COL25A1: variants seen among roughly 807,000 people sequenced by gnomAD.
COL25A1 encodes collagen alpha-1(XXV) chain.
In COL25A1, 103 loss-of-function variants were observed where a neutral mutation model predicts 128.4. The ratio of observed to expected loss-of-function variants is 0.80; its 90% confidence interval spans 0.68 to 0.94. COL25A1 has a LOEUF of 0.94. Ranked by LOEUF, COL25A1 falls within the 40% of genes least tolerant of loss-of-function variation. COL25A1 has a pLI of 0.00. For missense variants in COL25A1, 745 were observed against 840.0 expected (o/e 0.89, Z 1.40); for synonymous variants, 279 against 277.2 (o/e 1.01, Z -0.06).
At chr4:109,257,587 G>A (rs1781162885) in intron 3 of COL25A1, among the ~76,000 whole-genome samples, 1 of 152,166 alleles carries the variant, frequency 6.6e-6, no homozygotes, top group Admixed American at 6.6e-5. Context: ...TAGACTTTTA[G>A]TGCTCATAGC....
At chr4:109,018,521 G>A (rs1042054036) in intron 5 of COL25A1, among the ~76,000 whole-genome samples, 14 of 152,126 alleles carry the variant, frequency 9.2e-5, no homozygotes, top group African/African-American at 3.4e-4. Context: ...ACTGTGCCTG[G>A]CCCCATCCTC....
Position 108,905,854 on chromosome 4 carries a change from G to GGA in COL25A1, c.781-4683_781-4682insTC, listed in dbSNP as rs572297620. Among the ~76,000 whole-genome samples the GGA allele has an allele frequency of 2.6e-4, 39 of 151,568 alleles. No individual in the cohort carries two copies. In the South Asian group the frequency reaches 8.1e-3, roughly 32 times the overall value. ...TGCCAAGCTGGAGCAGTATGTCGGGGGGGGGTGCGGGGGGAGGCGTGGAGA... is the reference window on the plus strand; with the variant it reads ...TGCCAAGCTGGAGCAGTATGTCGGGGGAGGGGGTGCGGGGGGAGGCGTGGAGA... On this transcript the variant is annotated intron_variant, in intron 13 of 37. Transcript: ENST00000399132.
intron 31 of COL25A1, among the ~76,000 whole-genome samples, chr4:108,837,730 T>A (rs1733979174): frequency 6.6e-6 from 1 of 152,144 alleles, no homozygotes; most frequent in Non-Finnish European, 1.5e-5. Flanking sequence ...GAAAAAACAG[T>A]TGAGGAAGCA....
At chr4:109,235,972 T>C (rs920746211) in intron 3 of COL25A1, among the ~76,000 whole-genome samples, 3 of 152,248 alleles carry the variant, frequency 2.0e-5, no homozygotes, top group Admixed American at 6.6e-5. Context: ...CCACACCCCA[T>C]AGTAATTAGG....
rs191854418 is a variant in COL25A1, at chr4:108,999,666, C to T, written c.438+10692G>A. On this transcript the variant is annotated intron_variant, in intron 6 of 37. Coordinates refer to ENST00000399132, the MANE Select transcript of COL25A1 (RefSeq NM_198721.4). ...ATGCTACTATAAAGACACATGCACA[C>T]GTATGTTTATTACGGCACTATTCAC... Among the ~76,000 whole-genome samples the T allele has an allele frequency of 5.5e-3, 840 of 152,232 alleles. 4 individuals are homozygous for T. Among genetic ancestry groups the T allele is most frequent in the Middle Eastern group, 0.034 (10 of 294 alleles).
chr4:109,257,560 G>A (rs755403185), intron 3 of COL25A1, among the ~76,000 whole-genome samples: 2 of 152,156 alleles, frequency 1.3e-5, no homozygotes, highest in African/African-American at 2.4e-5. Context: ...AGGGGACTAC[G>A]GTGTTCTATC....
At chr4:108,926,300 A>AT (rs1746054640) in intron 11 of COL25A1, among the ~76,000 whole-genome samples, 1 of 152,148 alleles carries the variant, frequency 6.6e-6, no homozygotes, top group South Asian at 2.1e-4. Context: ...TAACAGTAAA[A>AT]TTTGAAGCTC....
intron 10 of COL25A1, among the ~76,000 whole-genome samples, chr4:108,939,991 C>A (rs1311555977): frequency 6.6e-6 from 1 of 152,090 alleles, no homozygotes; most frequent in Non-Finnish European, 1.5e-5. Context: ...TTTAGCCATT[C>A]ATTTTACGGT....
intron 3 of COL25A1, among the ~76,000 whole-genome samples, chr4:109,140,724 GCTCT>G (rs763942007): frequency 1.3e-5 from 2 of 152,156 alleles, no homozygotes; most frequent in South Asian, 2.1e-4. Context: ...TCTTGATTTG[GCTCT>G]CTGTTTGCCT....
Position 109,093,988 on chromosome 4 carries a change from T to C in COL25A1, c.368-43809A>G, listed in dbSNP as rs548349086. On this transcript the variant is annotated intron_variant, in intron 3 of 37. Transcript: ENST00000399132. The stretch of plus-strand genomic sequence containing the variant: ...AAAGACATTGTAATGTCACAGGCCC[T>C]GTTTATTAATATTATATGACTAGTC... 1.1e-4 allele frequency among the ~76,000 whole-genome samples: 17 copies of C among 152,268 alleles called. No individual in the cohort carries two copies. In the South Asian group the frequency reaches 1.4e-3, roughly 13 times the overall value.
chr4:108,897,777 G>C (rs1323997555), intron 15 of COL25A1, among the ~76,000 whole-genome samples: 1 of 152,158 alleles, frequency 6.6e-6, no homozygotes, highest in Non-Finnish European at 1.5e-5. Context: ...TGGGAGGGGG[G>C]AGAAAGGAAG....
chr4:108,835,841 A>C (rs1338522028), intron 31 of COL25A1, among the ~76,000 whole-genome samples: 11 of 131,368 alleles, frequency 8.4e-5, no homozygotes, highest in East Asian at 2.3e-4. Flanking sequence ...TGTGAGCCAC[A>C]GTGCCCGGCT....
chr4:109,170,921 G>A (rs1773525784), intron 3 of COL25A1, among the ~76,000 whole-genome samples: 1 of 152,072 alleles, frequency 6.6e-6, no homozygotes, highest in Non-Finnish European at 1.5e-5. Context: ...ATTGTCTGTT[G>A]CTTTCCAGTT....
intron 5 of COL25A1, among the ~76,000 whole-genome samples, chr4:109,021,047 G>A (rs75968004): frequency 1.1e-4 from 16 of 152,304 alleles, no homozygotes; most frequent in East Asian, 5.8e-4. Context: ...GGCAGCAGCC[G>A]CATGCCGCAG....
At chr4:108,974,503 T>C (rs1296597753) in intron 7 of COL25A1, 30 bp downstream of exon 7, 1 of 1,610,598 alleles carries the variant, frequency 6.2e-7, no homozygotes, top group South Asian at 1.1e-5. Flanking sequence ...GGATCTTCAC[T>C]AACTTTATTT....
intron 3 of COL25A1, among the ~76,000 whole-genome samples, chr4:109,155,649 AT>A (rs1771959103): frequency 6.6e-6 from 1 of 152,306 alleles, no homozygotes; most frequent in South Asian, 2.1e-4. Context: ...TAATCAACTA[AT>A]TTTTATTGCT....
chr4:109,010,929 G>T (rs1756524590), intron 5 of COL25A1, among the ~76,000 whole-genome samples: 1 of 152,114 alleles, frequency 6.6e-6, no homozygotes, highest in African/African-American at 2.4e-5. Context: ...CTGAGCCTAA[G>T]GACATTTTAA....
chr4:109,197,762 C>T (rs543442168), intron 3 of COL25A1, among the ~76,000 whole-genome samples: 5 of 151,708 alleles, frequency 3.3e-5, no homozygotes, highest in African/African-American at 1.2e-4. Context: ...CAATACTTGA[C>T]AATATGCATG....
At chr4:108,937,119 C>T (rs371107655) in intron 11 of COL25A1, among the ~76,000 whole-genome samples, 14 of 152,138 alleles carry the variant, frequency 9.2e-5, no homozygotes, top group East Asian at 3.9e-4. Context: ...AGAATTACCC[C>T]GTGCTTCCCA....
Sources: gnomAD v4.1 joint callset for allele counts (sites outside exome capture counted in the v4.1 genomes callset) on GRCh38, gnomAD v4.1.1 for gene constraint, MANE v1.5 for transcripts, NCBI Gene and HGNC (gene_info 2026-07-23, HGNC 2026-07-21) for gene names.